CDH7: variants seen among roughly 807,000 people sequenced by gnomAD.
CDH7 encodes the protein cadherin-7.
Under a neutral mutation model 71.8 loss-of-function variants are expected in CDH7, and 25 were observed. That is an observed-to-expected ratio of 0.35 (90% confidence interval 0.25 to 0.49). CDH7 has a LOEUF of 0.49. Ranked by LOEUF, CDH7 falls within the 20% of genes least tolerant of loss-of-function variation. The probability of loss-of-function intolerance (pLI) is 0.99; values close to 1 mark genes in which losing one functional copy is unlikely to be tolerated. For missense variants in CDH7, 862 were observed against 974.6 expected (o/e 0.88, Z 1.54); for synonymous variants, 381 against 363.8 (o/e 1.05, Z -0.54).
intron 6 of CDH7, among the ~76,000 whole-genome samples, chr18:65,838,042 A>G (rs2143975305): frequency 6.7e-6 from 1 of 150,134 alleles, no homozygotes; most frequent in African/African-American, 2.5e-5. Flanking sequence ...CTCCTGCCTC[A>G]GCCTCTCCAG....
chr18:65,839,467 G>A (rs937724643), intron 6 of CDH7, among the ~76,000 whole-genome samples: 1 of 152,078 alleles, frequency 6.6e-6, no homozygotes, highest in Non-Finnish European at 1.5e-5. Flanking sequence ...AAATCCCACA[G>A]GTCCCACCTC....
At chr18:65,805,825 G>A (rs532592591) in intron 2 of CDH7, among the ~76,000 whole-genome samples, 2 of 152,200 alleles carry the variant, frequency 1.3e-5, no homozygotes, top group East Asian at 1.9e-4. Context: ...AGACAAAAAC[G>A]TTTAATGAGG....
At chr18:65,777,263 C>T (rs913082854) in intron 2 of CDH7, among the ~76,000 whole-genome samples, 2 of 152,038 alleles carry the variant, frequency 1.3e-5, no homozygotes, top group African/African-American at 4.8e-5. Context: ...AGTATTTCTT[C>T]ATAAACAAAA....
intron 4 of CDH7, among the ~76,000 whole-genome samples, chr18:65,821,552 A>T (rs571630608): frequency 6.6e-5 from 10 of 152,264 alleles, no homozygotes; most frequent in African/African-American, 1.9e-4. Flanking sequence ...AAGTAAGTGT[A>T]ATTTGAATGC....
chr18:65,797,243 TGTC>T (rs1321386631), intron 2 of CDH7, among the ~76,000 whole-genome samples: 3 of 152,220 alleles, frequency 2.0e-5, no homozygotes, highest in Non-Finnish European at 4.4e-5. Flanking sequence ...TATTTGAGAA[TGTC>T]GTATTCTCCC....
chr18:65,788,946 T>C (rs1910609610), intron 2 of CDH7, among the ~76,000 whole-genome samples: 1 of 152,210 alleles, frequency 6.6e-6, no homozygotes, highest in African/African-American at 2.4e-5. Flanking sequence ...TAGTCTATAA[T>C]GGTCCTATAC....
At chr18:65,859,575 C>T in intron 9 of CDH7, 133 bp from the exon 10 acceptor site, 1 of 605,980 alleles carries the variant, frequency 1.7e-6, no homozygotes. Flanking sequence ...CATAATAATA[C>T]ATCGGATCCT....
intron 1 of CDH7, 59 bp from the exon 2 acceptor site, chr18:65,762,588 T>C (rs1184247051): frequency 3.4e-6 from 1 of 297,936 alleles, no homozygotes; most frequent in Non-Finnish European, 6.2e-6. Context: ...AGTCAATGAA[T>C]GCTAAATATT....
chr18:65,781,897 T>C lies in CDH7; in HGVS notation c.210+18845T>C, dbSNP rs1272102149. Among the ~76,000 whole-genome samples the C allele has an allele frequency of 1.8e-5, 2 of 109,220 alleles. 1 individual carries two copies. Among genetic ancestry groups the C allele is most frequent in the East Asian group, 5.1e-4 (2 of 3,912 alleles). 71.7% of individuals were successfully genotyped at this position (109,220 alleles called of 152,430 possible). A position where few individuals can be genotyped will look rare whatever the true frequency, so the allele number is the denominator to read the frequency against. On this transcript the variant is annotated intron_variant, in intron 2 of 11. Coordinates refer to ENST00000397968, the MANE Select transcript of CDH7 (RefSeq NM_004361.5). ...CTCTCTCTGTCTCTCTCTCTCTTTCTCTCTATCTTTCTCTCTTTCTCTCTT... is the reference window on the plus strand; with the variant it reads ...CTCTCTCTGTCTCTCTCTCTCTTTCCCTCTATCTTTCTCTCTTTCTCTCTT...
intron 7 of CDH7, among the ~76,000 whole-genome samples, chr18:65,857,323 A>T (rs1460697041): frequency 4.5e-5 from 1 of 22,342 alleles, no homozygotes; most frequent in Non-Finnish European, 1.2e-4. Context: ...CATCTATAAT[A>T]ATAATAATAA....
At chr18:65,877,108 A>AT (rs1384502638) in intron 11 of CDH7, among the ~76,000 whole-genome samples, 4 of 152,170 alleles carry the variant, frequency 2.6e-5, no homozygotes, top group South Asian at 2.1e-4. Context: ...ATTAAATTCT[A>AT]TTTTTTATAT....
Position 65,762,918 on chromosome 18 carries a change from C to G in CDH7, c.76C>G (p.Gln26Glu). The G allele has an allele frequency of 1.2e-6, 2 of 1,613,556 alleles. No individual in the cohort carries two copies. The highest frequency in any genetic ancestry group is 2.2e-5 in the East Asian group (1 of 44,850). Reference protein sequence around the residue: ...ALFLCFSGMSQAELSRSRSKP... With the variant: ...ALFLCFSGMSEAELSRSRSKP... ...TTTCCTGTGTTTTTCTGGGATGAGTCAAGCAGAACTCTCAAGGTCCAGATC... is the reference window on the plus strand; with the variant it reads ...TTTCCTGTGTTTTTCTGGGATGAGTGAAGCAGAACTCTCAAGGTCCAGATC... The change falls in exon 2 of 12, where the codon CAA (glutamine) becomes GAA (glutamate). Residue 26 changes from glutamine to glutamate, a missense_variant. Transcript: ENST00000397968.
intron 2 of CDH7, among the ~76,000 whole-genome samples, chr18:65,801,805 A>G (rs1248562019): frequency 6.6e-6 from 1 of 152,166 alleles, no homozygotes; most frequent in African/African-American, 2.4e-5. Context: ...AAGTGTTGAC[A>G]TTTTCTCCCC....
intron 6 of CDH7, among the ~76,000 whole-genome samples, chr18:65,831,225 G>A (rs960939249): frequency 6.6e-6 from 1 of 152,112 alleles, no homozygotes; most frequent in African/African-American, 2.4e-5. Flanking sequence ...TTCCCTATAT[G>A]TACTTCATGA....
intron 6 of CDH7, among the ~76,000 whole-genome samples, chr18:65,825,580 A>G (rs990652634): frequency 2.0e-5 from 3 of 151,908 alleles, no homozygotes; most frequent in Non-Finnish European, 4.4e-5. Flanking sequence ...TTTATCAACT[A>G]TTTGAAACAT....
At chr18:65,847,023 C>T (rs1031156832) in intron 7 of CDH7, among the ~76,000 whole-genome samples, 7 of 32,194 alleles carry the variant, frequency 2.2e-4, no homozygotes, top group Non-Finnish European at 1.9e-3. Flanking sequence ...TGCAGGTTGT[C>T]TTGTACTCAC....
intron 11 of CDH7, among the ~76,000 whole-genome samples, chr18:65,876,493 C>T (rs1295192767): frequency 6.6e-6 from 1 of 152,130 alleles, no homozygotes; most frequent in South Asian, 2.1e-4. Flanking sequence ...CTTACCTCAC[C>T]TCTTTCTTTG....
chr18:65,756,934 C>T (rs1181981494), intron 1 of CDH7, among the ~76,000 whole-genome samples: 1 of 152,020 alleles, frequency 6.6e-6, no homozygotes, highest in Non-Finnish European at 1.5e-5. Flanking sequence ...TGTGCAGTGG[C>T]TGAATATGAT....
At chr18:65,781,831 T>C (rs1236840836) in intron 2 of CDH7, among the ~76,000 whole-genome samples, 73 of 74,000 alleles carry the variant, frequency 9.9e-4, no homozygotes, top group African/African-American at 5.8e-3. Flanking sequence ...TCTTTCTTTC[T>C]TTCTTTCTTT....
Sources: allele counts gnomAD v4.1 joint callset (sites outside exome capture counted in the v4.1 genomes callset), GRCh38; gene constraint gnomAD v4.1.1; transcripts MANE v1.5; gene names NCBI Gene and HGNC (gene_info 2026-07-23, HGNC 2026-07-21).